The following KDM6A variants were observed in gnomAD, a reference collection of about 807,000 sequenced individuals.
KDM6A encodes lysine-specific demethylase 6A.
KDM6A carries 11 observed loss-of-function variants against 117.6 expected under a neutral mutation model. That is an observed-to-expected ratio of 0.09 (90% confidence interval 0.06 to 0.15). The LOEUF is 0.15. Ranked by LOEUF, KDM6A falls within the 10% of genes least tolerant of loss-of-function variation. KDM6A has a pLI of 1.00. For synonymous variants in KDM6A, 384 were observed against 396.1 expected (o/e 0.97, Z 0.36); for missense variants, 799 against 1,077.3 (o/e 0.74, Z 3.62).
intron 6 of KDM6A, among the ~76,000 whole-genome samples, chrX:45,033,251 T>C (rs2042674368): frequency 8.9e-6 from 1 of 112,301 alleles, no homozygotes. Flanking sequence ...TCAAACGTTT[T>C]AAAATAGTCT....
intron 4 of KDM6A, among the ~76,000 whole-genome samples, chrX:44,989,460 G>C (rs995947508): frequency 3.7e-5 from 4 of 109,001 alleles, no homozygotes; most frequent in Non-Finnish European, 7.6e-5. Flanking sequence ...TACCTCAGTT[G>C]GAAATGCAGA....
chrX:44,873,303 C>T lies in KDM6A; in HGVS notation c.-249C>T. Reference sequence around the variant, plus strand: ...CGTCCCCGCCTGTGGCTGCCCCCTGCCCAACCCCGCGATGTGACCCTACAG... The same window carrying T: ...CGTCCCCGCCTGTGGCTGCCCCCTGTCCAACCCCGCGATGTGACCCTACAG... On this transcript the variant is annotated 5_prime_UTR_variant, in exon 1 of 30. Coordinates refer to ENST00000611820, the MANE Select transcript of KDM6A (RefSeq NM_001291415.2). 1 of 385,410 alleles carries T rather than the reference C, an allele frequency of 2.6e-6. No homozygotes were observed. 31.8% of individuals were successfully genotyped at this position (385,410 alleles called of 1,213,427 possible).
chrX:45,085,290 G>A (rs1243875606), intron 24 of KDM6A, among the ~76,000 whole-genome samples: 3 of 111,639 alleles, frequency 2.7e-5, no homozygotes, highest in Non-Finnish European at 5.6e-5. Flanking sequence ...TGTACAGATG[G>A]TCCCTGAGTT....
intron 27 of KDM6A, among the ~76,000 whole-genome samples, chrX:45,099,727 G>A (rs1374911129): frequency 8.9e-6 from 1 of 111,812 alleles, no homozygotes; most frequent in Non-Finnish European, 1.9e-5. Flanking sequence ...TTTACGACTG[G>A]TAGATTAAGA....
intron 6 of KDM6A, among the ~76,000 whole-genome samples, chrX:45,034,156 ACTTAT>A (rs777527363): frequency 2.7e-5 from 3 of 111,507 alleles, no homozygotes; most frequent in South Asian, 3.7e-4. Context: ...CAACTCTATT[ACTTAT>A]CTTAATTTAT....
intron 2 of KDM6A, among the ~76,000 whole-genome samples, chrX:44,934,263 T>C (rs2036839799): frequency 8.9e-6 from 1 of 112,197 alleles, no homozygotes; most frequent in African/African-American, 3.2e-5. Context: ...GGCTTCACTA[T>C]TGACTAGTGT....
At chrX:45,037,587 C>A (rs2147792889) in intron 7 of KDM6A, 68 bp from the exon 8 acceptor site, 1 of 843,744 alleles carries the variant, frequency 1.2e-6, no homozygotes, top group Non-Finnish European at 1.8e-6. Flanking sequence ...CTTTGTTATT[C>A]TTACTTAATT....
chrX:45,059,808 T>G (rs181769103), intron 12 of KDM6A, among the ~76,000 whole-genome samples: 1 of 112,085 alleles, frequency 8.9e-6, no homozygotes, highest in African/African-American at 3.2e-5. Context: ...AAGACAGCTA[T>G]GAGAACTCTG....
At chrX:44,898,938 G>C (rs1300345295) in intron 2 of KDM6A, among the ~76,000 whole-genome samples, 15 of 104,482 alleles carry the variant, frequency 1.4e-4, no homozygotes, top group African/African-American at 5.4e-4. Context: ...TGGTGGTGGT[G>C]GTGGGGGGGT....
At position 45,085,520 on chromosome X, in the gene KDM6A, C is replaced by A. The variant is rs148503657; in HGVS notation, c.3590-345C>A. Among the ~76,000 whole-genome samples the A allele has an allele frequency of 3.9e-4, 44 of 111,777 alleles. No individual in the cohort carries two copies. In the East Asian group the frequency reaches 5.3e-3, roughly 14 times the overall value. On this transcript the variant is annotated intron_variant, in intron 24 of 29. Transcript: ENST00000611820. ...TTTATAGAGATTATTATTATCTGTTCTTACATATAGGGAAACTGAGTCAGA... is the reference window on the plus strand; with the variant it reads ...TTTATAGAGATTATTATTATCTGTTATTACATATAGGGAAACTGAGTCAGA...
intron 2 of KDM6A, among the ~76,000 whole-genome samples, chrX:44,946,136 G>C (rs1371704405): frequency 8.9e-6 from 1 of 112,284 alleles, no homozygotes; most frequent in Non-Finnish European, 1.9e-5. Context: ...TTGCTTTGTC[G>C]CCCAGACTGG....
In KDM6A at chrX:45,077,887, A is replaced by T. The variant is rs1388633358; in HGVS notation, c.2989-513A>T. 2.7e-5 allele frequency among the ~76,000 whole-genome samples: 3 copies of T among 111,413 alleles called. No individual in the cohort carries two copies. In the East Asian group the frequency reaches 8.4e-4, roughly 31 times the overall value. On this transcript the variant is annotated intron_variant, in intron 19 of 29. Transcript: ENST00000611820. ...TCCAACCAATCTCCAGAACTTTCTCATCTTGACAAACTGAAACTACACACT... is the reference window on the plus strand; with the variant it reads ...TCCAACCAATCTCCAGAACTTTCTCTTCTTGACAAACTGAAACTACACACT...
intron 4 of KDM6A, among the ~76,000 whole-genome samples, chrX:44,981,026 A>G (rs2039880313): frequency 1.8e-5 from 2 of 111,098 alleles, no homozygotes; most frequent in South Asian, 7.6e-4. Flanking sequence ...GTGAGGATAT[A>G]GGAAAAAACT....
chrX:45,015,523 G>C (rs1478029720), intron 5 of KDM6A, among the ~76,000 whole-genome samples: 1 of 111,267 alleles, frequency 9.0e-6, no homozygotes, highest in African/African-American at 3.3e-5. Flanking sequence ...GTTCAGTAAA[G>C]AAAAAGAATA....
At chrX:45,022,644 C>T (rs760132506) in intron 6 of KDM6A, among the ~76,000 whole-genome samples, 58 of 111,471 alleles carry the variant, frequency 5.2e-4, no homozygotes, top group African/African-American at 1.9e-3. Context: ...GGAATGATAT[C>T]CCCCTTTAGG....
At chrX:44,971,650 A>G (rs982346881) in intron 3 of KDM6A, among the ~76,000 whole-genome samples, 7 of 111,264 alleles carry the variant, frequency 6.3e-5, no homozygotes, top group Non-Finnish European at 1.3e-4. Context: ...CCACAGACAG[A>G]GGAGGCAGCC....
rs555808299 is a variant in KDM6A at position 45,033,150 on chromosome X, T to G, written c.565-1781T>G. On this transcript the variant is annotated intron_variant, in intron 6 of 29. Coordinates refer to ENST00000611820, the MANE Select transcript of KDM6A (RefSeq NM_001291415.2). ...TTACAGGACAAATTAGACTTAGAAA[T>G]ATAGTACAGTCTGAATGTGTGACTA... 5.1e-4 allele frequency among the ~76,000 whole-genome samples: 57 copies of G among 112,305 alleles called. 1 individual carries two copies. Among genetic ancestry groups the G allele is most frequent in the African/African-American group, 1.8e-3 (57 of 30,899 alleles).
intron 2 of KDM6A, among the ~76,000 whole-genome samples, chrX:44,905,806 A>G (rs1221241167): frequency 8.9e-6 from 1 of 112,451 alleles, no homozygotes; most frequent in East Asian, 2.8e-4. Flanking sequence ...TATGATTGTG[A>G]AATATTTACA....
intron 2 of KDM6A, among the ~76,000 whole-genome samples, chrX:44,946,970 CTG>C (rs2037674954): frequency 9.0e-6 from 1 of 111,251 alleles, no homozygotes; most frequent in African/African-American, 3.3e-5. Context: ...TAGTATTTTT[CTG>C]TCTTTTTTAA....
Sources: allele counts gnomAD v4.1 joint callset (sites outside exome capture counted in the v4.1 genomes callset), GRCh38; gene constraint gnomAD v4.1.1; transcripts MANE v1.5; gene names NCBI Gene and HGNC (gene_info 2026-07-23, HGNC 2026-07-21).